Variants in PRDM2 observed in about 807,000 individuals in gnomAD.
PRDM2 encodes PR/SET domain 2.
A neutral mutation model predicts 130.0 loss-of-function variants in PRDM2; 30 were observed. That is an observed-to-expected ratio of 0.23 (90% confidence interval 0.17 to 0.31). The LOEUF (loss-of-function observed/expected upper bound fraction) is 0.31, where lower values mean the gene tolerates loss of function less well. PRDM2 is among the 10% of genes least tolerant of loss of function. The pLI, the probability that PRDM2 is intolerant of heterozygous loss-of-function variation, is 1.00. For synonymous variants in PRDM2, 871 were observed against 782.4 expected (o/e 1.11, Z -1.89); for missense variants, 2,011 against 2,108.4 (o/e 0.95, Z 0.90).
intron 6 of PRDM2, chr1:13,772,353 A>T (rs1228720278): frequency 6.6e-6 from 1 of 152,254 alleles, no homozygotes; most frequent in Admixed American, 6.5e-5. Flanking sequence ...GTTCCAACTT[A>T]TGAGAACGAT....
Position 13,773,141 on chromosome 1 carries a change from C to T in PRDM2, c.575C>T (p.Thr192Ile), listed in dbSNP as rs148892113. 1.2e-4 allele frequency: 190 copies of T among 1,576,126 alleles called. No individual in the cohort carries two copies. Among genetic ancestry groups the T allele is most frequent in the Middle Eastern group, 1.0e-3 (6 of 5,972 alleles). The change falls in exon 7 of 10, where the codon ACA becomes ATA. Residue 192 changes from threonine to isoleucine, a missense_variant. Around this residue, in one of 5 missense-constraint regions of PRDM2, gnomAD observed 1,288 missense variants for 1,237.7 expected, o/e 1.04. Transcript: ENST00000311066. ...GNKIQDIQLKTSEPDFTSANM... is the reference protein window; with the variant it reads ...GNKIQDIQLKISEPDFTSANM... Reference sequence around the variant, plus strand: ...AAAATCCAAGACATACAACTGAAGACAAGTGAGCCAGATTTCACCTCTGCA... The same window carrying T: ...AAAATCCAAGACATACAACTGAAGATAAGTGAGCCAGATTTCACCTCTGCA...
At chr1:13,738,604 C>A (rs904597120) in intron 4 of PRDM2, 6 of 152,154 alleles carry the variant, frequency 3.9e-5, no homozygotes, top group Non-Finnish European at 7.3e-5. Flanking sequence ...ATTTTAGTAT[C>A]TCTATAAAAG....
In PRDM2 at chr1:13,778,409, G is replaced by A. The variant is rs754755426; in HGVS notation, c.623-9G>A. On this transcript the variant is annotated splice_polypyrimidine_tract_variant and intron_variant, in intron 7 of 9. Transcript: ENST00000311066. ...CACTTCCATGCTTCTGCTTCCATGT[G>A]CTTTCTAGGTCCTAAAGAAGACGAA... The A allele has an allele frequency of 2.5e-6, 4 of 1,576,444 alleles. No individual in the cohort carries two copies. The highest frequency in any genetic ancestry group is 2.7e-5 in the African/African-American group (2 of 72,894).
At position 13,805,080 on chromosome 1, in the gene PRDM2, C is replaced by T. The variant is rs187597765; in HGVS notation, c.5037-11347C>T. Among the ~76,000 whole-genome samples the T allele has an allele frequency of 3.3e-3, 505 of 152,298 alleles. 1 individual carries two copies. Among genetic ancestry groups the T allele is most frequent in the South Asian group, 4.6e-3 (22 of 4,816 alleles). On this transcript the variant is annotated intron_variant, in intron 8 of 9. Transcript: ENST00000311066. ...TTATTTCTCTGAGCCTCAGAACCCT[C>T]CTCTGTAAAACCAGGACCATCACAG...
intron 5 of PRDM2, among the ~76,000 whole-genome samples, chr1:13,749,123 G>C (rs545421261): frequency 6.6e-6 from 1 of 152,046 alleles, no homozygotes; most frequent in Non-Finnish European, 1.5e-5. Context: ...ACCCGTCACC[G>C]GGCCTTCCGC....
At chr1:13,822,724 T>A (rs1240635873) in intron 9 of PRDM2, among the ~76,000 whole-genome samples, 1 of 152,112 alleles carries the variant, frequency 6.6e-6, no homozygotes, top group Non-Finnish European at 1.5e-5. Flanking sequence ...GCACACTACA[T>A]AACAACAAGG....
chr1:13,816,462 C>T lies in PRDM2; in HGVS notation c.5072C>T (p.Pro1691Leu). 8.1e-6 allele frequency: 13 copies of T among 1,614,174 alleles called. No homozygotes were observed. Among genetic ancestry groups the T allele is most frequent in the Non-Finnish European group, 9.3e-6 (11 of 1,180,034 alleles). Residue 1691 changes from proline to leucine, a missense_variant, in exon 9 of 10, where the codon CCA becomes CTA. Transcript: ENST00000311066. The stretch of plus-strand genomic sequence containing the variant: ...CGCTTGGCGTCCCGATGCTCTCCAC[C>T]AGCGGCCCCGTACATCACCAGGCAG... ...SLRLASRCSPPAAPYITRQYR... is the reference protein window; with the variant it reads ...SLRLASRCSPLAAPYITRQYR...
intron 1 of PRDM2, among the ~76,000 whole-genome samples, chr1:13,706,971 TAA>T (rs571158647): frequency 7.1e-6 from 1 of 140,334 alleles, no homozygotes; most frequent in African/African-American, 2.6e-5. Flanking sequence ...CTACCAAAAC[TAA>T]AAAAAAAAAA....
rs1352498276 is a variant in PRDM2 at position 13,803,121 on chromosome 1, G to T, written c.5037-13306G>T. ...GAAGGTGGGCTGGGGAGGCCTGAGGGCTGTAGGGTTAGGTTCACAGAACTG... is the reference window on the plus strand; with the variant it reads ...GAAGGTGGGCTGGGGAGGCCTGAGGTCTGTAGGGTTAGGTTCACAGAACTG... On this transcript the variant is annotated intron_variant, in intron 8 of 9. Transcript: ENST00000311066. This position sits in a 1 kb window ranked among gnomAD's most constrained non-coding sequence, Gnocchi z 6.2. 1.3e-5 allele frequency among the ~76,000 whole-genome samples: 2 copies of T among 152,344 alleles called. No individual in the cohort carries two copies. Among genetic ancestry groups the T allele is most frequent in the Non-Finnish European group, 2.9e-5 (2 of 68,034 alleles).
intron 3 of PRDM2, among the ~76,000 whole-genome samples, chr1:13,731,333 CACAA>C (rs1224937999): frequency 3.3e-5 from 5 of 152,138 alleles, no homozygotes; most frequent in African/African-American, 9.7e-5. Flanking sequence ...CAGACACACA[CACAA>C]ACACACACAC....
chr1:13,765,760 TG>T lies in PRDM2; in HGVS notation c.512-7316del, dbSNP rs551918600. On this transcript the variant is annotated intron_variant, in intron 6 of 9. Coordinates refer to ENST00000311066, the MANE Select transcript of PRDM2 (RefSeq NM_001393986.1). ...GATTACAGGCGTGAGCCACCGCACCTGGCCTGCACTTGGCCATTCTTAAGAT... is the reference window on the plus strand; with the variant it reads ...GATTACAGGCGTGAGCCACCGCACCTGCCTGCACTTGGCCATTCTTAAGAT... 1.2e-3 allele frequency among the ~76,000 whole-genome samples: 180 copies of T among 152,330 alleles called. 2 individuals carry two copies. Among genetic ancestry groups the T allele is most frequent in the African/African-American group, 4.1e-3 (171 of 41,578 alleles).
Position 13,782,825 on chromosome 1 carries a change from A to G in PRDM2, c.5030A>G (p.Asp1677Gly), listed in dbSNP as rs1205406670. 6.2e-7 allele frequency: 1 copy of G among 1,608,848 alleles called. No homozygotes were observed. Among genetic ancestry groups the G allele is most frequent in the Non-Finnish European group, 8.5e-7 (1 of 1,179,112 alleles). The change falls in exon 8 of 10, where the codon GAC becomes GGC. Residue 1677 changes from aspartate (D) to glycine (G), a missense_variant. By Grantham distance (94) the Asp-to-Gly change is moderately conservative (BLOSUM62 -1). Around this residue, in one of 5 missense-constraint regions of PRDM2, gnomAD observed 410 missense variants for 395.9 expected, o/e 1.04. Transcript: ENST00000311066. Reference protein sequence around the residue: ...EDGSAKQELKDFSYSLRLASR... With the variant: ...EDGSAKQELKGFSYSLRLASR... ...GGCAGCGCCAAGCAGGAGCTGAAGGACTTCAGGTAAGCTCAGGAGCTGGTG... is the reference window on the plus strand; with the variant it reads ...GGCAGCGCCAAGCAGGAGCTGAAGGGCTTCAGGTAAGCTCAGGAGCTGGTG...
In PRDM2 at chr1:13,773,160, CT is replaced by C; in HGVS notation, c.595del (p.Ser199LeufsTer4). ...TGAAGACAAGTGAGCCAGATTTCAC[CT>C]CTGCAAATATGAGAGATTCTGCAGA... ...QLKTSEPDFT[S>X]ANMRDSAEGP... On this transcript the variant is annotated frameshift_variant, in exon 7 of 10. Coordinates refer to ENST00000311066, the MANE Select transcript of PRDM2 (RefSeq NM_001393986.1). LOFTEE classifies it high-confidence loss of function. 6.4e-7 allele frequency: 1 copy of C among 1,570,202 alleles called. No homozygotes were observed. The highest frequency in any genetic ancestry group is 1.2e-5 in the South Asian group (1 of 80,774).
chr1:13,758,245 A>G (rs1644007800), intron 6 of PRDM2, among the ~76,000 whole-genome samples: 1 of 151,992 alleles, frequency 6.6e-6, no homozygotes, highest in South Asian at 2.1e-4. Flanking sequence ...GGAGTTTGAG[A>G]ACAGCCTGGA....
At chr1:13,739,445 C>T (rs1643373540) in intron 4 of PRDM2, among the ~76,000 whole-genome samples, 1 of 152,104 alleles carries the variant, frequency 6.6e-6, no homozygotes, top group African/African-American at 2.4e-5. Context: ...CTTCTAATTA[C>T]AGAAATAATG....
At chr1:13,751,580 A>G (rs185939353) in intron 6 of PRDM2, among the ~76,000 whole-genome samples, 168 of 152,026 alleles carry the variant, frequency 1.1e-3, no homozygotes, top group Middle Eastern at 0.01. Flanking sequence ...TGTGACCTCA[A>G]ACATTTAAAT....
At chr1:13,790,930 T>G (rs1203645) in intron 8 of PRDM2, among the ~76,000 whole-genome samples, 54,066 of 151,872 alleles carry the variant, frequency 0.36, 10,157 homozygotes, top group Admixed American at 0.5. Flanking sequence ...TGCCTGCTGT[T>G]TGCTGGGTAC....
In PRDM2 at chr1:13,732,985, G is replaced by A; in HGVS notation, c.231+103G>A. ...GAATTTAAAACAATCATTTTAATGT[G>A]TTCTTTAAAGTCAAGAATATTTTTA... On this transcript the variant is annotated intron_variant, in intron 4 of 9. Coordinates refer to ENST00000311066, the MANE Select transcript of PRDM2 (RefSeq NM_001393986.1). The A allele has an allele frequency of 1.8e-5, 14 of 798,938 alleles. No homozygotes were observed. The South Asian group carries it at 2.3e-4, about 13-fold the overall frequency. The allele number at this position is 798,938 out of a possible 1,614,324, so 49.5% of individuals were successfully genotyped here.
At chr1:13,757,360 G>T (rs1324517197) in intron 6 of PRDM2, among the ~76,000 whole-genome samples, 1 of 151,956 alleles carries the variant, frequency 6.6e-6, no homozygotes, top group Non-Finnish European at 1.5e-5. Context: ...TATTATTTTG[G>T]CATTAGTTTT....
Sources: gnomAD v4.1 joint callset for allele counts (sites outside exome capture counted in the v4.1 genomes callset) on GRCh38, gnomAD v4.1.1 for gene constraint, gnomAD v4.1.1 regional missense constraint, Gnocchi (gnomAD v3.1) non-coding constraint, MANE v1.5 for transcripts, NCBI Gene and HGNC (gene_info 2026-07-23, HGNC 2026-07-21) for gene names.